The following P3H2 variants were observed in gnomAD, a reference collection of about 807,000 sequenced individuals.
The protein encoded by P3H2 is prolyl 3-hydroxylase 2.
Under a neutral mutation model 87.0 loss-of-function variants are expected in P3H2, and 80 were observed. The observed-to-expected ratio is 0.92, with a 90% confidence interval of 0.77 to 1.11. P3H2 has a LOEUF of 1.11. P3H2 is among the 50% of genes least tolerant of loss of function. The probability of loss-of-function intolerance (pLI) is 0.00; values close to 1 mark genes in which losing one functional copy is unlikely to be tolerated. For missense variants in P3H2, 1,001 were observed against 923.9 expected (o/e 1.08, Z -1.08); for synonymous variants, 367 against 359.3 (o/e 1.02, Z -0.24).
intron 1 of P3H2, among the ~76,000 whole-genome samples, chr3:190,042,615 A>T (rs1044443948): frequency 5.3e-5 from 8 of 152,204 alleles, no homozygotes; most frequent in Non-Finnish European, 8.8e-5. Flanking sequence ...CTTCGGAACA[A>T]CCTTATGAAT....
intron 1 of P3H2, among the ~76,000 whole-genome samples, chr3:190,060,461 A>C (rs1262292693): frequency 6.6e-6 from 1 of 152,188 alleles, no homozygotes; most frequent in Non-Finnish European, 1.5e-5. Flanking sequence ...GCCAGACTTA[A>C]GAGAAAAATT....
At chr3:190,095,624 G>A (rs1168434963) in intron 1 of P3H2, among the ~76,000 whole-genome samples, 4 of 146,170 alleles carry the variant, frequency 2.7e-5, no homozygotes, top group Non-Finnish European at 6.0e-5. Flanking sequence ...CCTTTAAAAC[G>A]GAGTCTCGCT....
chr3:190,091,560 T>C (rs1727409917), intron 1 of P3H2, among the ~76,000 whole-genome samples: 1 of 152,362 alleles, frequency 6.6e-6, no homozygotes, highest in East Asian at 1.9e-4. Context: ...TTATATATAT[T>C]GTACTAGAAA....
chr3:190,028,789 T>C (rs537735482), intron 1 of P3H2, among the ~76,000 whole-genome samples: 15 of 152,390 alleles, frequency 9.8e-5, no homozygotes, highest in African/African-American at 2.9e-4. Context: ...AGACACTCTA[T>C]GTTTTACAAT....
intron 1 of P3H2, among the ~76,000 whole-genome samples, chr3:190,114,337 C>T (rs1343389848): frequency 1.3e-5 from 2 of 151,324 alleles, no homozygotes; most frequent in East Asian, 4.0e-4. Context: ...GCGCCTGCCA[C>T]CACGCCCGCC....
Position 190,120,655 on chromosome 3 carries a change from G to A in P3H2, c.77C>T (p.Pro26Leu). ...LLLPPPLWGG[P>L]PDSPRRELEL... ...CAGCTCCCGGCGTGGGCTGTCCGGG[G>A]GGCCGCCCCACAGTGGCGGCGGCAG... Residue 26 changes from proline to leucine, a missense_variant, in exon 1 of 15, where the codon CCC (proline) becomes CTC (leucine). Physicochemically the swap from Pro to Leu is moderately conservative, Grantham distance 98. Transcript: ENST00000319332. 6.6e-7 allele frequency: 1 copy of A among 1,525,214 alleles called. No individual in the cohort carries two copies. The highest frequency in any genetic ancestry group is 2.5e-5 in the East Asian group (1 of 39,716). The allele number at this position is 1,525,214 out of a possible 1,614,324, so 94.5% of individuals were successfully genotyped here. A position where few individuals can be genotyped will look rare whatever the true frequency, so the allele number is the denominator to read the frequency against.
At chr3:189,971,307 C>T (rs145756933) in intron 12 of P3H2, among the ~76,000 whole-genome samples, 2 of 152,334 alleles carry the variant, frequency 1.3e-5, no homozygotes, top group East Asian at 3.9e-4. Flanking sequence ...TGAAGAGTTC[C>T]TTGTGGCCTA....
At chr3:189,977,899 C>G (rs986721751) in intron 8 of P3H2, among the ~76,000 whole-genome samples, 1 of 152,124 alleles carries the variant, frequency 6.6e-6, no homozygotes, top group African/African-American at 2.4e-5. Flanking sequence ...CATGAGCCAC[C>G]ACGCCCAGCC....
intron 1 of P3H2, among the ~76,000 whole-genome samples, chr3:190,092,227 C>T (rs1252170154): frequency 1.7e-4 from 19 of 110,564 alleles, no homozygotes; most frequent in African/African-American, 4.0e-4. Context: ...AACGAGACTC[C>T]GTCAAAAAAA....
chr3:190,105,870 T>C (rs1365236470), intron 1 of P3H2, among the ~76,000 whole-genome samples: 1 of 152,118 alleles, frequency 6.6e-6, no homozygotes, highest in East Asian at 1.9e-4. Context: ...CAGAGCTGGG[T>C]GTAGAGATTA....
chr3:190,093,213 T>C (rs567323609), intron 1 of P3H2, among the ~76,000 whole-genome samples: 67 of 152,348 alleles, frequency 4.4e-4, no homozygotes, highest in Middle Eastern at 6.8e-3. Context: ...GAATACATAG[T>C]AGACGGCAGA....
intron 8 of P3H2, 35 bp from the exon 9 acceptor site, chr3:189,974,720 C>A (rs1276992230): frequency 6.2e-7 from 1 of 1,613,792 alleles, no homozygotes; most frequent in Non-Finnish European, 8.5e-7. Flanking sequence ...TCCCTGTTAC[C>A]TCTGTCCCCC....
chr3:190,118,344 C>T (rs1005699547), intron 1 of P3H2, among the ~76,000 whole-genome samples: 20 of 151,840 alleles, frequency 1.3e-4, no homozygotes, highest in Admixed American at 9.8e-4. Context: ...ACCTTACATC[C>T]GAGACTCCTG....
chr3:190,044,593 T>C (rs1252362278), intron 1 of P3H2, among the ~76,000 whole-genome samples: 2 of 152,222 alleles, frequency 1.3e-5, no homozygotes, highest in Non-Finnish European at 2.9e-5. Context: ...AGCATGCACT[T>C]ATCATACACT....
intron 1 of P3H2, among the ~76,000 whole-genome samples, chr3:190,019,436 G>A (rs958942434): frequency 1.3e-5 from 2 of 152,078 alleles, no homozygotes; most frequent in Non-Finnish European, 1.5e-5. Context: ...TTTATTCAGT[G>A]ACATTTATTT....
intron 1 of P3H2, among the ~76,000 whole-genome samples, chr3:190,043,572 TA>T (rs1725708360): frequency 1.3e-5 from 2 of 152,218 alleles, no homozygotes; most frequent in Admixed American, 1.3e-4. Flanking sequence ...TATTGAGGTA[TA>T]ACTGGTAAAC....
At chr3:189,974,502 T>C in intron 9 of P3H2, 56 bp downstream of exon 9, 1 of 1,610,604 alleles carries the variant, frequency 6.2e-7, no homozygotes, top group Non-Finnish European at 8.5e-7. Flanking sequence ...ACCAAAGCAG[T>C]TCCAGCTTCT....
At chr3:189,970,175 T>C (rs999764394) in intron 13 of P3H2, among the ~76,000 whole-genome samples, 2 of 116,176 alleles carry the variant, frequency 1.7e-5, no homozygotes, top group African/African-American at 6.6e-5. Flanking sequence ...TATCTCTCTA[T>C]GCATATATAT....
chr3:189,999,124 A>C (rs1456456972), intron 1 of P3H2, among the ~76,000 whole-genome samples: 3 of 152,238 alleles, frequency 2.0e-5, no homozygotes, highest in African/African-American at 7.2e-5. Context: ...TGAAATCATC[A>C]TTCATACTGA....
Sources: gnomAD v4.1 joint callset for allele counts (sites outside exome capture counted in the v4.1 genomes callset) on GRCh38, gnomAD v4.1.1 for gene constraint, MANE v1.5 for transcripts, NCBI Gene and HGNC (gene_info 2026-07-23, HGNC 2026-07-21) for gene names.